BICC1: variants seen among roughly 807,000 people sequenced by gnomAD.
BICC1 encodes the protein BicC family RNA binding protein 1, also known as protein bicaudal C homolog 1.
BICC1 carries 43 observed loss-of-function variants against 111.0 expected under a neutral mutation model. The ratio of observed to expected loss-of-function variants is 0.39; its 90% CI spans 0.30 to 0.50. The LOEUF is 0.50. Among genes scored for constraint, BICC1 ranks in the 20% least tolerant of loss-of-function variants. BICC1 has a pLI of 0.88. For missense variants in BICC1, 1,091 were observed against 1,203.2 expected (o/e 0.91, Z 1.38); for synonymous variants, 467 against 434.4 (o/e 1.07, Z -0.93).
chr10:58,640,588 G>A (rs895983212), intron 2 of BICC1, among the ~76,000 whole-genome samples: 2 of 152,152 alleles, frequency 1.3e-5, no homozygotes, highest in African/African-American at 2.4e-5. Context: ...TTGCAGCCAT[G>A]GGATACTCAA....
At chr10:58,572,566 A>G (rs1479967150) in intron 1 of BICC1, among the ~76,000 whole-genome samples, 1 of 152,132 alleles carries the variant, frequency 6.6e-6, no homozygotes, top group Non-Finnish European at 1.5e-5. Flanking sequence ...ATCTAGTGTG[A>G]AAATAGTGTT....
At chr10:58,790,304 A>G (rs1427640337) in intron 8 of BICC1, among the ~76,000 whole-genome samples, 1 of 152,082 alleles carries the variant, frequency 6.6e-6, no homozygotes, top group Non-Finnish European at 1.5e-5. Flanking sequence ...TCCTCTGTTT[A>G]AACAGAAAAG....
intron 20 of BICC1, among the ~76,000 whole-genome samples, chr10:58,827,272 G>T (rs1844426630): frequency 6.6e-6 from 1 of 152,178 alleles, no homozygotes; most frequent in Non-Finnish European, 1.5e-5. Context: ...AAGCTGGAAG[G>T]TTTACACCAT....
At chr10:58,607,064 T>C (rs7091941) in intron 1 of BICC1, among the ~76,000 whole-genome samples, 151,302 of 152,256 alleles carry the variant, frequency 0.99, 75,181 homozygotes, top group East Asian at 1. Flanking sequence ...CGCCTGTAAT[T>C]CCAGCACTTT....
chr10:58,571,828 G>A (rs1658424), intron 1 of BICC1, among the ~76,000 whole-genome samples: 69,893 of 151,900 alleles, frequency 0.46, 17,092 homozygotes, highest in Admixed American at 0.62. Context: ...ATAACAGAAC[G>A]ATTTATATTC....
At chr10:58,787,801 T>G (rs1843055225) in intron 5 of BICC1, among the ~76,000 whole-genome samples, 1 of 152,134 alleles carries the variant, frequency 6.6e-6, no homozygotes, top group African/African-American at 2.4e-5. Flanking sequence ...ATTTAAAAAC[T>G]GGTACGGCAT....
chr10:58,757,130 C>T (rs1842170503), intron 3 of BICC1, among the ~76,000 whole-genome samples: 1 of 152,166 alleles, frequency 6.6e-6, no homozygotes, highest in Non-Finnish European at 1.5e-5. Flanking sequence ...TAACCCGCTA[C>T]AAGACTTTAG....
At chr10:58,653,952 A>T (rs1249416567) in intron 2 of BICC1, among the ~76,000 whole-genome samples, 1 of 151,018 alleles carries the variant, frequency 6.6e-6, no homozygotes, top group Non-Finnish European at 1.5e-5. Flanking sequence ...TGTTCTTGTG[A>T]TAGTTTATTG....
intron 2 of BICC1, among the ~76,000 whole-genome samples, chr10:58,700,844 G>A (rs1183766498): frequency 6.6e-6 from 1 of 152,144 alleles, no homozygotes; most frequent in African/African-American, 2.4e-5. Flanking sequence ...TGAGTGGTCT[G>A]TGCTAAATTT....
chr10:58,704,947 T>A (rs913059219), intron 3 of BICC1, among the ~76,000 whole-genome samples: 1 of 152,246 alleles, frequency 6.6e-6, no homozygotes, highest in African/African-American at 2.4e-5. Flanking sequence ...CTGTGTTTCC[T>A]AAATTAGCTT....
chr10:58,657,099 TCTC>T (rs1327923525), intron 2 of BICC1, among the ~76,000 whole-genome samples: 1 of 152,108 alleles, frequency 6.6e-6, no homozygotes, highest in Non-Finnish European at 1.5e-5. Flanking sequence ...GCTGCTAGCT[TCTC>T]CTCACGTGCG....
chr10:58,524,624 G>A (rs1842480738), intron 1 of BICC1, among the ~76,000 whole-genome samples: 1 of 151,966 alleles, frequency 6.6e-6, no homozygotes, highest in African/African-American at 2.4e-5. Context: ...GAAAACCTAG[G>A]CATTACCATT....
At chr10:58,622,010 C>A (rs2132142386) in intron 2 of BICC1, among the ~76,000 whole-genome samples, 1 of 150,574 alleles carries the variant, frequency 6.6e-6, no homozygotes, top group East Asian at 1.9e-4. Context: ...TCCTCTACCA[C>A]AAAAACAAAC....
At chr10:58,791,981 G>A (rs906635025) in intron 8 of BICC1, among the ~76,000 whole-genome samples, 1 of 151,876 alleles carries the variant, frequency 6.6e-6, no homozygotes, top group Non-Finnish European at 1.5e-5. Context: ...TAGTAGAGAT[G>A]GGGTTTCACT....
intron 9 of BICC1, among the ~76,000 whole-genome samples, chr10:58,795,310 T>C (rs956556419): frequency 4.6e-5 from 7 of 152,190 alleles, no homozygotes; most frequent in Non-Finnish European, 8.8e-5. Flanking sequence ...AAGGAAAAGA[T>C]AGCATTGATT....
chr10:58,752,225 G>A (rs1229106446), intron 3 of BICC1, among the ~76,000 whole-genome samples: 2 of 152,168 alleles, frequency 1.3e-5, no homozygotes, highest in African/African-American at 4.8e-5. Context: ...TGACATTTGT[G>A]CTGTTGTGGA....
chr10:58,636,619 C>T (rs950246475), intron 2 of BICC1, among the ~76,000 whole-genome samples: 3 of 151,916 alleles, frequency 2.0e-5, no homozygotes, highest in Admixed American at 1.3e-4. Context: ...TTTTTCCTTC[C>T]CCAATTCATG....
chr10:58,771,700 T>G (rs117626271), intron 3 of BICC1, among the ~76,000 whole-genome samples: 1 of 152,138 alleles, frequency 6.6e-6, no homozygotes, highest in Non-Finnish European at 1.5e-5. Flanking sequence ...GGTGAGTATT[T>G]TGGTTTGGTT....
chr10:58,581,669 C>T (rs1237181645), intron 1 of BICC1, among the ~76,000 whole-genome samples: 1 of 152,064 alleles, frequency 6.6e-6, no homozygotes, highest in Non-Finnish European at 1.5e-5. Flanking sequence ...ATCCTGGAGC[C>T]TCGCCTGCTG....
Sources: gnomAD v4.1 joint callset for allele counts (sites outside exome capture counted in the v4.1 genomes callset) on GRCh38, gnomAD v4.1.1 for gene constraint, MANE v1.5 for transcripts, NCBI Gene and HGNC (gene_info 2026-07-23, HGNC 2026-07-21) for gene names.